Variants in ZNF324B observed in about 807,000 individuals in gnomAD.
The protein encoded by ZNF324B is zinc finger protein 324B.
ZNF324B carries 7 observed loss-of-function variants against 10.6 expected under a neutral mutation model. That is an observed-to-expected ratio of 0.66 (90% CI 0.38 to 1.24). The LOEUF (loss-of-function observed/expected upper bound fraction) is 1.24, where lower values mean the gene tolerates loss of function less well. Ranked by LOEUF, ZNF324B falls within the 50% of genes most tolerant of loss-of-function variation. ZNF324B has a pLI of 0.02. For missense variants in ZNF324B, 640 were observed against 764.7 expected (o/e 0.84, Z 1.92); for synonymous variants, 316 against 321.0 (o/e 0.98, Z 0.17).
At chr19:58,420,850 G>C in the ZNF324B span, among the ~76,000 whole-genome samples, 3 of 151,520 alleles carry the variant, frequency 2.0e-5, no homozygotes, top group Admixed American at 6.6e-5. Flanking sequence ...TGGGATTATA[G>C]GCATCGGCCA....
chr19:58,439,626 A>G, the ZNF324B span: 1 of 910,616 alleles, frequency 1.1e-6, no homozygotes, highest in Non-Finnish European at 1.6e-6. Flanking sequence ...CTCCCAGGGC[A>G]GGGCCCAGGA....
chr19:58,446,572 TC>T, the ZNF324B span, among the ~76,000 whole-genome samples: 4 of 102,186 alleles, frequency 3.9e-5, no homozygotes, highest in South Asian at 5.6e-4. Flanking sequence ...AATTTCTTTC[TC>T]TTTTTTTTTT....
At chr19:58,440,714 C>T in the ZNF324B span, 1 of 152,030 alleles carries the variant, frequency 6.6e-6, no homozygotes, top group Non-Finnish European at 1.5e-5. Context: ...TAGATAAAGC[C>T]GGCCCAGTGG....
the ZNF324B span, among the ~76,000 whole-genome samples, chr19:58,422,696 G>A: frequency 5.9e-5 from 9 of 152,026 alleles, no homozygotes; most frequent in Non-Finnish European, 1.3e-4. Context: ...CCAAGGAGGT[G>A]AAACACCTCT....
the ZNF324B span, among the ~76,000 whole-genome samples, chr19:58,427,391 TTTCTTTCTTTCTTTCCTTCCTTCCTTCC>T: frequency 2.0e-5 from 1 of 50,138 alleles, no homozygotes. Flanking sequence ...TCTTTCTTTC[TTTCTTTCTTTCTTTCCTTCCTTCCTTCC>T]TTCCTTCCTT....
At chr19:58,433,412 T>C in the ZNF324B span, 3 of 1,614,230 alleles carry the variant, frequency 1.9e-6, no homozygotes, top group Non-Finnish European at 2.5e-6. Flanking sequence ...CTTTCTCTGG[T>C]GTGAACTTTC....
chr19:58,425,472 CTTTT>C, the ZNF324B span, among the ~76,000 whole-genome samples: 2 of 135,268 alleles, frequency 1.5e-5, no homozygotes, highest in African/African-American at 2.7e-5. Context: ...TCCTTCTTTC[CTTTT>C]TTTTTTTTTT....
chr19:58,429,282 C>G, the ZNF324B span: 7 of 152,232 alleles, frequency 4.6e-5, no homozygotes, highest in African/African-American at 9.6e-5. Flanking sequence ...CAGAGAGAGA[C>G]AGGCAGATCC....
chr19:58,452,745 G>A (rs929227494), intron 1 of ZNF324B: 1 of 724,822 alleles, frequency 1.4e-6, no homozygotes, highest in African/African-American at 1.9e-5. Context: ...ACTGAAGAAG[G>A]CGATGAGCAG....
chr19:58,420,993 C>T, the ZNF324B span, among the ~76,000 whole-genome samples: 31,145 of 149,986 alleles, frequency 0.21, 3,641 homozygotes, highest in Non-Finnish European at 0.27. Context: ...CGTGAGCCAC[C>T]GCACCCAGCC....
In ZNF324B at chr19:58,455,739, G is replaced by A. The variant is rs143385944; in HGVS notation, c.795G>A (p.Val265=). 4.3e-3 allele frequency: 6,942 copies of A among 1,613,926 alleles called. 248 individuals carry two copies. In the African/African-American group the frequency reaches 0.08, roughly 19 times the overall value. Reference sequence around the variant, plus strand: ...TCGAATGCAGGGCGTGCAGCAAAGTGTTCGTGAAGAGCTCCGACCTCCTCA... The same window carrying A: ...TCGAATGCAGGGCGTGCAGCAAAGTATTCGTGAAGAGCTCCGACCTCCTCA... ...KSFECRACSK[V]FVKSSDLLKH... Residue 265 remains valine (V), a synonymous_variant, in exon 4 of 4, where the codon GTG becomes GTA. Coordinates refer to ENST00000336614, the MANE Select transcript of ZNF324B (RefSeq NM_207395.3). This position sits in a 1 kb window ranked among gnomAD's most constrained non-coding sequence, Gnocchi z 7.0.
upstream of ZNF324B, chr19:58,451,603 G>C (rs1475243661): frequency 3.9e-6 from 2 of 516,952 alleles, no homozygotes; most frequent in African/African-American, 3.9e-5. Context: ...CTGGGGGCTG[G>C]ACTTCCGGCG....
At chr19:58,438,981 C>G in the ZNF324B span, among the ~76,000 whole-genome samples, 5 of 151,598 alleles carry the variant, frequency 3.3e-5, no homozygotes, top group Non-Finnish European at 5.9e-5. Flanking sequence ...GCCACGTTGG[C>G]CAGGCTGGTC....
At chr19:58,445,809 T>C in the ZNF324B span, 8 of 222,306 alleles carry the variant, frequency 3.6e-5, no homozygotes, top group Non-Finnish European at 7.1e-5. Flanking sequence ...AGCAAGACCC[T>C]GTCTCCCTCA....
At chr19:58,441,953 C>T in the ZNF324B span, 1 of 152,142 alleles carries the variant, frequency 6.6e-6, no homozygotes, top group Non-Finnish European at 1.5e-5. Flanking sequence ...CTCCAGTGCC[C>T]ACTAGGTAAG....
the ZNF324B span, among the ~76,000 whole-genome samples, chr19:58,426,649 C>T: frequency 2.0e-5 from 3 of 152,148 alleles, no homozygotes; most frequent in African/African-American, 7.2e-5. Context: ...AGGGAATCAA[C>T]AGATGCTGAC....
the ZNF324B span, among the ~76,000 whole-genome samples, chr19:58,422,748 C>T: frequency 6.6e-6 from 1 of 152,114 alleles, no homozygotes; most frequent in African/African-American, 2.4e-5. Flanking sequence ...ATTGAAGAGA[C>T]CTTTGGATTC....
upstream of ZNF324B, among the ~76,000 whole-genome samples, chr19:58,450,550 A>G (rs1459122866): frequency 1.3e-5 from 2 of 152,224 alleles, no homozygotes; most frequent in Non-Finnish European, 2.9e-5. Flanking sequence ...ATAGTACTTA[A>G]GTGTTCTTAA....
At chr19:58,439,190 T>A in the ZNF324B span, among the ~76,000 whole-genome samples, 1 of 152,192 alleles carries the variant, frequency 6.6e-6, no homozygotes, top group Non-Finnish European at 1.5e-5. Flanking sequence ...CACCCCTCTG[T>A]CCAGCTACCC....
Sources: allele counts gnomAD v4.1 joint callset (sites outside exome capture counted in the v4.1 genomes callset), GRCh38; gene constraint gnomAD v4.1.1; non-coding constraint Gnocchi (gnomAD v3.1); transcripts MANE v1.5; gene names NCBI Gene and HGNC (gene_info 2026-07-23, HGNC 2026-07-21).